Variants in LHX8 observed in about 807,000 individuals in gnomAD.
LHX8 encodes LIM homeobox 8.
Under a neutral mutation model 40.3 loss-of-function variants are expected in LHX8, and 12 were observed. The ratio of observed to expected loss-of-function variants is 0.30; its 90% confidence interval spans 0.19 to 0.48. The LOEUF (loss-of-function observed/expected upper bound fraction) is 0.48. Among genes scored for constraint, LHX8 ranks in the 20% least tolerant of loss-of-function variants. LHX8 has a pLI of 0.99. For synonymous variants in LHX8, 179 were observed against 162.0 expected, an observed-to-expected ratio of 1.10 and a Z score of -0.80; for missense variants, 344 against 433.7, an observed-to-expected ratio of 0.79 and a Z score of 1.84.
At position 75,134,831 on chromosome 1, in the gene LHX8, T is replaced by A. The variant is rs1427620860; in HGVS notation, c.-136T>A. On this transcript the variant is annotated 5_prime_UTR_variant, in exon 1 of 9. Coordinates refer to ENST00000356261, the MANE Select transcript of LHX8 (RefSeq NM_001256114.2). ...TCTTCAGACCTGGCAATTTTTTTTT[T>A]TTATTACGTAGTAGCGTTAGTCAGT... 9.6e-6 allele frequency: 8 copies of A among 836,694 alleles called. No homozygotes were observed. The highest frequency in any genetic ancestry group is 1.2e-4 in the East Asian group (1 of 8,050). 51.8% of individuals were successfully genotyped at this position (836,694 alleles called of 1,614,324 possible). A position where few individuals can be genotyped will look rare whatever the true frequency, so the allele number is the denominator to read the frequency against.
chr1:75,170,589 G>C, the LHX8 span, among the ~76,000 whole-genome samples: 1 of 152,146 alleles, frequency 6.6e-6, no homozygotes, highest in Non-Finnish European at 1.5e-5. Context: ...GACTAAAAAG[G>C]ATAATAAGTT....
chr1:75,183,481 T>G, the LHX8 span, among the ~76,000 whole-genome samples: 1 of 148,552 alleles, frequency 6.7e-6, no homozygotes, highest in Non-Finnish European at 1.5e-5. Flanking sequence ...ATAATGTTCT[T>G]AAAAAAAAAA....
At chr1:75,191,692 G>C in the LHX8 span, among the ~76,000 whole-genome samples, 1 of 152,176 alleles carries the variant, frequency 6.6e-6, no homozygotes, top group Non-Finnish European at 1.5e-5. Flanking sequence ...AAACATGTTA[G>C]AGGCAAAGTT....
chr1:75,143,894 C>G lies in LHX8; in HGVS notation c.630C>G (p.Asn210Lys). 1 of 1,613,360 alleles carries G rather than the reference C, an allele frequency of 6.2e-7. No individual in the cohort carries two copies. The highest frequency in any genetic ancestry group is 8.5e-7 in the Non-Finnish European group (1 of 1,179,486). ...EGALLTEQDV[N>K]HPKPAKRART... is the part of the protein sequence containing the mutation. ...CCCTCCTCACAGAGCAAGATGTTAACCATCCAAAACCAGCAAAAAGAGCTC... is the reference window on the plus strand; with the variant it reads ...CCCTCCTCACAGAGCAAGATGTTAAGCATCCAAAACCAGCAAAAAGAGCTC... Residue 210 changes from asparagine to lysine, a missense_variant, in exon 6 of 9, where the codon AAC becomes AAG. By Grantham distance (94) the Asn-to-Lys change is moderately conservative (BLOSUM62 0). Around this residue, in one of 3 missense-constraint regions of LHX8, gnomAD observed 147 missense variants for 250.8 expected, o/e 0.59. Coordinates refer to ENST00000356261, the MANE Select transcript of LHX8 (RefSeq NM_001256114.2).
At chr1:75,128,536 G>A (rs1230498140) in exon 1 of LHX8, 1 of 152,166 alleles carries the variant, frequency 6.6e-6, no homozygotes, top group Non-Finnish European at 1.5e-5. Context: ...CCCTAAAGAG[G>A]ACAAACACCG....
intron 3 of LHX8, 21 bp from the exon 4 acceptor site, chr1:75,140,964 T>C: frequency 6.2e-7 from 1 of 1,613,068 alleles, no homozygotes; most frequent in Non-Finnish European, 8.5e-7. Flanking sequence ...GATATTACAA[T>C]GGCTTCTCTT....
At chr1:75,175,491 A>G in the LHX8 span, among the ~76,000 whole-genome samples, 4 of 152,242 alleles carry the variant, frequency 2.6e-5, no homozygotes, top group South Asian at 2.1e-4. Context: ...TTTTTTAATT[A>G]TGACCATTTT....
chr1:75,193,008 A>AT, the LHX8 span, among the ~76,000 whole-genome samples: 57 of 152,040 alleles, frequency 3.7e-4, no homozygotes, highest in African/African-American at 1.3e-3. Flanking sequence ...GATTTATTAC[A>AT]TTTTTCATTT....
At chr1:75,181,319 TG>T in the LHX8 span, among the ~76,000 whole-genome samples, 2 of 152,060 alleles carry the variant, frequency 1.3e-5, no homozygotes, top group Non-Finnish European at 2.9e-5. Flanking sequence ...CCCCCAGAGG[TG>T]GAGTCTACAG....
chr1:75,191,382 C>T, the LHX8 span, among the ~76,000 whole-genome samples: 1 of 152,154 alleles, frequency 6.6e-6, no homozygotes, highest in African/African-American at 2.4e-5. Flanking sequence ...CCCCCACTCT[C>T]TCCAGCTGAG....
chr1:75,131,113 G>A (rs116710610), upstream of LHX8: 445 of 345,300 alleles, frequency 1.3e-3, 2 homozygotes, highest in African/African-American at 8.4e-3. Context: ...CAGGCCGCCC[G>A]GGAGTCCTGG....
rs1648070259 is a variant in LHX8 at position 75,134,762 on chromosome 1, T to C, written c.-205T>C. 1.0e-5 allele frequency: 2 copies of C among 200,100 alleles called. No individual in the cohort carries two copies. The highest frequency in any genetic ancestry group is 4.7e-5 in the African/African-American group (2 of 42,266). 12.4% of individuals were successfully genotyped at this position (200,100 alleles called of 1,614,324 possible). A position where few individuals can be genotyped will look rare whatever the true frequency, so the allele number is the denominator to read the frequency against. ...GCAGTGTCCTTGAAACTCGAGTTGT[T>C]TGGGCTCCTAAACAAGGTTCAGAAA... On this transcript the variant is annotated 5_prime_UTR_variant, in exon 1 of 9. Transcript: ENST00000356261.
chr1:75,176,018 T>A, the LHX8 span, among the ~76,000 whole-genome samples: 2 of 152,222 alleles, frequency 1.3e-5, no homozygotes, highest in African/African-American at 4.8e-5. Context: ...TTTTTGTGGC[T>A]GCATAGTATT....
chr1:75,186,605 G>A, the LHX8 span, among the ~76,000 whole-genome samples: 9 of 152,134 alleles, frequency 5.9e-5, no homozygotes, highest in African/African-American at 2.2e-4. Context: ...GGTTTGCGAG[G>A]ACATGGTGTG....
intron 3 of LHX8, among the ~76,000 whole-genome samples, chr1:75,137,463 T>G (rs1207188688): frequency 6.6e-6 from 1 of 152,202 alleles, no homozygotes; most frequent in Non-Finnish European, 1.5e-5. Context: ...TCTATGTCGT[T>G]GCAAAACAGC....
rs1648390680 is a variant in LHX8, at chr1:75,143,909, A to G, written c.645A>G (p.Ala215=). The G allele has an allele frequency of 6.2e-7, 1 of 1,613,312 alleles. No individual in the cohort carries two copies. The highest frequency in any genetic ancestry group is 1.7e-5 in the Admixed American group (1 of 59,962). ...TEQDVNHPKP[A]KRARTSFTAD... ...AAGATGTTAACCATCCAAAACCAGC[A>G]AAAAGAGCTCGGACCAGCTTTACAG... The change falls in exon 6 of 9, where the codon GCA becomes GCG. Residue 215 remains alanine (A), a synonymous_variant. Transcript: ENST00000356261.
the LHX8 span, among the ~76,000 whole-genome samples, chr1:75,170,572 A>G: frequency 6.6e-6 from 1 of 152,220 alleles, no homozygotes; most frequent in African/African-American, 2.4e-5. Flanking sequence ...TTTCTTTACA[A>G]ACCAATGACT....
At chr1:75,133,820 T>C (rs1648038369), upstream of LHX8, among the ~76,000 whole-genome samples, 1 of 152,222 alleles carries the variant, frequency 6.6e-6, no homozygotes, top group Non-Finnish European at 1.5e-5. Context: ...CTTTTGTCTT[T>C]CTTGTAGCCT....
chr1:75,132,756 A>ATCAC (rs1648006149), upstream of LHX8: 1 of 146,048 alleles, frequency 6.8e-6, no homozygotes, highest in Non-Finnish European at 1.5e-5. Context: ...TTTAAACCCT[A>ATCAC]ACACACACAC....
Sources: allele counts gnomAD v4.1 joint callset (sites outside exome capture counted in the v4.1 genomes callset), GRCh38; gene constraint gnomAD v4.1.1; regional missense constraint gnomAD v4.1.1; transcripts MANE v1.5; gene names NCBI Gene and HGNC (gene_info 2026-07-23, HGNC 2026-07-21).